The following MDGA2 variants were observed in gnomAD, a reference collection of about 807,000 sequenced individuals.
MDGA2 encodes the protein MAM domain containing glycosylphosphatidylinositol anchor 2, also known as MAM domain-containing glycosylphosphatidylinositol anchor protein 2.
A neutral mutation model predicts 117.8 loss-of-function variants in MDGA2; 40 were observed. The observed-to-expected ratio is 0.34, with a 90% CI of 0.26 to 0.44. The LOEUF is 0.44. Ranked by LOEUF, MDGA2 falls within the 20% of genes least tolerant of loss-of-function variation. The pLI is 1.00. For missense variants in MDGA2, 1,123 were observed against 1,250.6 expected (o/e 0.90, Z 1.54); for synonymous variants, 452 against 439.0 (o/e 1.03, Z -0.37).
At chr14:47,155,575 C>T (rs1883334208) in intron 3 of MDGA2, among the ~76,000 whole-genome samples, 1 of 152,106 alleles carries the variant, frequency 6.6e-6, no homozygotes, top group South Asian at 2.1e-4. Context: ...AACGCCCATG[C>T]CGGGAGTTGC....
At chr14:47,423,479 G>A (rs547509339) in intron 1 of MDGA2, among the ~76,000 whole-genome samples, 1 of 152,266 alleles carries the variant, frequency 6.6e-6, no homozygotes, top group Admixed American at 6.5e-5. Flanking sequence ...GTGAAGTTCA[G>A]AAGTGTTAAC....
chr14:47,344,246 T>G (rs1360220903), intron 1 of MDGA2, among the ~76,000 whole-genome samples: 1 of 152,218 alleles, frequency 6.6e-6, no homozygotes, highest in African/African-American at 2.4e-5. Context: ...CAATGCTGTA[T>G]TGTCAGGACA....
intron 1 of MDGA2, among the ~76,000 whole-genome samples, chr14:47,409,627 C>A (rs1286598799): frequency 4.6e-5 from 7 of 152,124 alleles, no homozygotes; most frequent in Non-Finnish European, 1.0e-4. Context: ...GAAGAGTTAT[C>A]TTTTATGACA....
intron 1 of MDGA2, among the ~76,000 whole-genome samples, chr14:47,320,987 G>A (rs554729488): frequency 1.4e-3 from 213 of 152,212 alleles, no homozygotes; most frequent in African/African-American, 4.7e-3. Context: ...GGGCTTCATC[G>A]GCAGAGGAGT....
intron 1 of MDGA2, among the ~76,000 whole-genome samples, chr14:47,640,043 G>A (rs1897394243): frequency 6.6e-6 from 1 of 152,114 alleles, no homozygotes; most frequent in Admixed American, 6.6e-5. Context: ...GTAACATCTT[G>A]CCTTTGTTTC....
At chr14:47,390,950 ACC>A (rs1891880465) in intron 1 of MDGA2, among the ~76,000 whole-genome samples, 1 of 151,678 alleles carries the variant, frequency 6.6e-6, no homozygotes, top group Non-Finnish European at 1.5e-5. Context: ...TATTTTTCCA[ACC>A]CTTATCCTGG....
chr14:47,005,539 T>C (rs1256313799), intron 8 of MDGA2, among the ~76,000 whole-genome samples: 1 of 151,630 alleles, frequency 6.6e-6, no homozygotes, highest in Non-Finnish European at 1.5e-5. Context: ...TTCATGTCCA[T>C]GTTCATGAAG....
At chr14:47,524,730 A>G (rs1894936979) in intron 1 of MDGA2, among the ~76,000 whole-genome samples, 1 of 152,182 alleles carries the variant, frequency 6.6e-6, no homozygotes, top group Non-Finnish European at 1.5e-5. Context: ...AGGCTTTCTC[A>G]TGTGCACAAT....
intron 6 of MDGA2, among the ~76,000 whole-genome samples, chr14:47,081,635 T>G (rs1890712215): frequency 6.6e-6 from 1 of 152,296 alleles, no homozygotes; most frequent in Non-Finnish European, 1.5e-5. Context: ...ATAAAATTGC[T>G]GTATTACATA....
chr14:47,115,268 T>C (rs1881266019), intron 5 of MDGA2, among the ~76,000 whole-genome samples: 1 of 152,002 alleles, frequency 6.6e-6, no homozygotes, highest in Admixed American at 6.6e-5. Flanking sequence ...CTCAGACAAG[T>C]ACTGTGTCAT....
At chr14:47,137,329 G>A (rs906046562) in intron 4 of MDGA2, among the ~76,000 whole-genome samples, 2 of 152,102 alleles carry the variant, frequency 1.3e-5, no homozygotes, top group Non-Finnish European at 2.9e-5. Flanking sequence ...TTGGATGTTT[G>A]TCCCTAATCT....
At chr14:47,610,566 A>T (rs1363166187) in intron 1 of MDGA2, among the ~76,000 whole-genome samples, 1 of 150,976 alleles carries the variant, frequency 6.6e-6, no homozygotes, top group Non-Finnish European at 1.5e-5. Context: ...TACAATAGCT[A>T]AAAACAAACA....
At chr14:47,152,420 T>C (rs1180497883) in intron 3 of MDGA2, among the ~76,000 whole-genome samples, 1 of 152,182 alleles carries the variant, frequency 6.6e-6, no homozygotes, top group East Asian at 1.9e-4. Flanking sequence ...TGGGCCAGGA[T>C]GTTTGGAAGA....
At position 47,329,022 on chromosome 14, in the gene MDGA2, T is replaced by C. The variant is rs115793432; in HGVS notation, c.281-27472A>G. On this transcript the variant is annotated intron_variant, in intron 1 of 16. Coordinates refer to ENST00000399232, the MANE Select transcript of MDGA2 (RefSeq NM_001113498.3). Reference sequence around the variant, plus strand: ...TTAATTGCCTATTTAATAAATACCATATATGTGAAAGCACATAAAGCTAAT... The same window carrying C: ...TTAATTGCCTATTTAATAAATACCACATATGTGAAAGCACATAAAGCTAAT... Among the ~76,000 whole-genome samples, 550 of 152,294 alleles carry C rather than the reference T, an allele frequency of 3.6e-3. 5 individuals carry two copies. The highest frequency in any genetic ancestry group is 0.013 in the African/African-American group (522 of 41,574).
At chr14:47,525,463 T>G (rs1442611852) in intron 1 of MDGA2, among the ~76,000 whole-genome samples, 1 of 152,140 alleles carries the variant, frequency 6.6e-6, no homozygotes, top group African/African-American at 2.4e-5. Flanking sequence ...GGCAGGCAGA[T>G]CACCTGAGGT....
intron 1 of MDGA2, among the ~76,000 whole-genome samples, chr14:47,611,439 A>AT (rs1161763855): frequency 6.6e-6 from 1 of 152,148 alleles, no homozygotes; most frequent in African/African-American, 2.4e-5. Context: ...GAGTGGGAGA[A>AT]AATCTTCACT....
At chr14:47,298,055 C>T (rs1325492085) in intron 2 of MDGA2, among the ~76,000 whole-genome samples, 1 of 151,518 alleles carries the variant, frequency 6.6e-6, no homozygotes, top group East Asian at 1.9e-4. Flanking sequence ...GTATATATAT[C>T]CATAATATAA....
intron 3 of MDGA2, among the ~76,000 whole-genome samples, chr14:47,152,833 AAG>A (rs1233127166): frequency 2.6e-5 from 4 of 152,170 alleles, no homozygotes; most frequent in Admixed American, 2.0e-4. Flanking sequence ...CTAAATTATG[AAG>A]AGAGTATGCC....
intron 1 of MDGA2, among the ~76,000 whole-genome samples, chr14:47,347,948 G>A (rs888288165): frequency 1.3e-5 from 2 of 152,134 alleles, no homozygotes; most frequent in Non-Finnish European, 2.9e-5. Flanking sequence ...AGCAAAATCA[G>A]AATTGAGAAA....
Sources: gnomAD v4.1 joint callset for allele counts (sites outside exome capture counted in the v4.1 genomes callset) on GRCh38, gnomAD v4.1.1 for gene constraint, MANE v1.5 for transcripts, NCBI Gene and HGNC (gene_info 2026-07-23, HGNC 2026-07-21) for gene names.